The following RBFOX1 variants were observed in gnomAD, a reference collection of about 807,000 sequenced individuals.
RBFOX1 encodes the protein RNA binding fox-1 homolog 1.
Under a neutral mutation model 57.7 loss-of-function variants are expected in RBFOX1, and 8 were observed. The ratio of observed to expected loss-of-function variants is 0.14; its 90% CI spans 0.08 to 0.25. The LOEUF is 0.25. Among genes scored for constraint, RBFOX1 ranks in the 10% least tolerant of loss-of-function variants. RBFOX1 has a pLI of 1.00. For synonymous variants in RBFOX1, 326 were observed against 222.4 expected, an observed-to-expected ratio of 1.47 and a Z score of -4.15; for missense variants, 611 against 548.5, an observed-to-expected ratio of 1.11 and a Z score of -1.14.
At chr16:7,053,592 C>G (rs954593647) in intron 4 of RBFOX1, among the ~76,000 whole-genome samples, 1 of 152,174 alleles carries the variant, frequency 6.6e-6, no homozygotes, top group Non-Finnish European at 1.5e-5. Context: ...TTGCAAATGA[C>G]ACTTGCTTGG....
intron 2 of RBFOX1, among the ~76,000 whole-genome samples, chr16:6,619,816 C>G (rs193115001): frequency 2.0e-5 from 3 of 151,346 alleles, no homozygotes; most frequent in African/African-American, 2.4e-5. Flanking sequence ...AGATGGTAAT[C>G]CTAGTACCCA....
In RBFOX1 at chr16:5,803,714, G is replaced by A. The variant is rs552491289; in HGVS notation, c.319-63589G>A. 1.7e-3 allele frequency among the ~76,000 whole-genome samples: 258 copies of A among 152,278 alleles called. 2 individuals are homozygous for A. Among genetic ancestry groups the A allele is most frequent in the Non-Finnish European group, 3.1e-3 (209 of 68,024 alleles). On this transcript the variant is annotated intron_variant, in intron 3 of 19. Transcript: ENST00000641259. The stretch of plus-strand genomic sequence containing the variant: ...TAAGGTACCATACTAGGCACAGAGT[G>A]GGTATATCAGAGTGAATAGGATGCA...
intron 3 of RBFOX1, among the ~76,000 whole-genome samples, chr16:5,696,258 T>A (rs1396102817): frequency 2.0e-5 from 3 of 152,206 alleles, no homozygotes; most frequent in Non-Finnish European, 4.4e-5. Context: ...GAACTATTAT[T>A]CCCATAGGTA....
chr16:6,517,539 G>A (rs2096404593), intron 2 of RBFOX1, among the ~76,000 whole-genome samples: 1 of 152,080 alleles, frequency 6.6e-6, no homozygotes, highest in African/African-American at 2.4e-5. Context: ...TGCCGAAGTG[G>A]GAGAGGATGT....
intron 3 of RBFOX1, among the ~76,000 whole-genome samples, chr16:6,992,898 C>T (rs17141977): frequency 0.066 from 9,980 of 151,146 alleles, 403 homozygotes; most frequent in South Asian, 0.17. Flanking sequence ...CGCCCAAGCA[C>T]GGTGTCATTC....
At chr16:5,467,187 T>TCA (rs1000515955) in intron 1 of RBFOX1, 45 of 1,460,860 alleles carry the variant, frequency 3.1e-5, no homozygotes, top group Non-Finnish European at 3.9e-5. Context: ...TCTCTCTCTC[T>TCA]CTCTCTCTCT....
intron 1 of RBFOX1, among the ~76,000 whole-genome samples, chr16:5,346,608 C>G (rs1020692357): frequency 6.6e-6 from 1 of 152,196 alleles, no homozygotes; most frequent in Admixed American, 6.5e-5. Context: ...CCTGTATGCA[C>G]GTCTTGTCTT....
chr16:6,929,216 T>C (rs903017528), intron 3 of RBFOX1, among the ~76,000 whole-genome samples: 2 of 152,154 alleles, frequency 1.3e-5, no homozygotes, highest in Non-Finnish European at 2.9e-5. Flanking sequence ...TGTTCTTAAC[T>C]GCTTGGATCC....
intron 4 of RBFOX1, among the ~76,000 whole-genome samples, chr16:7,060,498 A>C (rs1016874228): frequency 6.6e-6 from 1 of 152,222 alleles, no homozygotes; most frequent in African/African-American, 2.4e-5. Context: ...TCTTGCTTTA[A>C]AGGCTTCCAG....
At chr16:6,286,036 A>C (rs2076873476) in intron 1 of RBFOX1, among the ~76,000 whole-genome samples, 2 of 152,196 alleles carry the variant, frequency 1.3e-5, no homozygotes. Context: ...GGCTGCATCA[A>C]AATATTAATT....
At chr16:6,926,379 C>A (rs894678457) in intron 3 of RBFOX1, among the ~76,000 whole-genome samples, 1 of 152,150 alleles carries the variant, frequency 6.6e-6, no homozygotes, top group Admixed American at 6.5e-5. Context: ...AGGAGACCCG[C>A]CTGCAGAAAG....
In RBFOX1 at chr16:7,087,950, A is replaced by T. The variant is rs151243585; in HGVS notation, c.27+35852A>T. On this transcript the variant is annotated intron_variant, in intron 4 of 15. Coordinates refer to ENST00000550418, the MANE Select transcript of RBFOX1 (RefSeq NM_018723.4). The stretch of plus-strand genomic sequence containing the variant: ...TCTGATTAATAAATTGACTTTGGGG[A>T]TAAAGATTGCAGCCCAGAGTAATCG... Among the ~76,000 whole-genome samples, 223 of 152,180 alleles carry T rather than the reference A, an allele frequency of 1.5e-3. 2 individuals carry two copies. Among genetic ancestry groups the T allele is most frequent in the African/African-American group, 4.9e-3 (204 of 41,526 alleles).
At position 5,572,382 on chromosome 16, in the gene RBFOX1, A is replaced by C. The variant is rs73517560; in HGVS notation, c.259-26520A>C. ...GCAGACAAAAATCCCTGAGGCCACT[A>C]ACAGTATATTCTGTGGCAGGATTTC... On this transcript the variant is annotated intron_variant, in intron 2 of 2. Coordinates refer to the RBFOX1 transcript ENST00000585867. 8.4e-3 allele frequency among the ~76,000 whole-genome samples: 1,281 copies of C among 152,330 alleles called. 22 individuals carry two copies. The highest frequency in any genetic ancestry group is 0.029 in the African/African-American group (1,218 of 41,570).
intron 5 of RBFOX1, among the ~76,000 whole-genome samples, chr16:7,528,696 G>A (rs1177552658): frequency 1.3e-5 from 2 of 152,120 alleles, no homozygotes; most frequent in African/African-American, 4.8e-5. Flanking sequence ...AATCTATTTT[G>A]TGGGCAGTAT....
intron 3 of RBFOX1, among the ~76,000 whole-genome samples, chr16:6,872,377 A>T (rs540827331): frequency 6.6e-6 from 1 of 152,128 alleles, no homozygotes; most frequent in South Asian, 2.1e-4. Flanking sequence ...TAGTAATAAT[A>T]GCTTTACTAT....
intron 2 of RBFOX1, among the ~76,000 whole-genome samples, chr16:5,472,816 A>C (rs2069183415): frequency 6.6e-6 from 1 of 152,174 alleles, no homozygotes; most frequent in Admixed American, 6.5e-5. Flanking sequence ...CTGATCCTCC[A>C]TGGAAGCTGC....
intron 3 of RBFOX1, among the ~76,000 whole-genome samples, chr16:6,849,017 C>T (rs1286036171): frequency 6.6e-6 from 1 of 152,190 alleles, no homozygotes; most frequent in Admixed American, 6.5e-5. Context: ...GGTAGTCCCA[C>T]CATTGGCCAG....
At chr16:6,192,624 G>A (rs943285821) in intron 1 of RBFOX1, among the ~76,000 whole-genome samples, 2 of 152,122 alleles carry the variant, frequency 1.3e-5, no homozygotes, top group Non-Finnish European at 2.9e-5. Flanking sequence ...AGATACGGTG[G>A]TGGAGATCCA....
At chr16:6,900,517 C>T (rs764914048) in intron 3 of RBFOX1, among the ~76,000 whole-genome samples, 2 of 152,188 alleles carry the variant, frequency 1.3e-5, no homozygotes, top group African/African-American at 2.4e-5. Flanking sequence ...ATGGTCTGGC[C>T]CTGCCCTTCT....
Sources: gnomAD v4.1 joint callset for allele counts (sites outside exome capture counted in the v4.1 genomes callset) on GRCh38, gnomAD v4.1.1 for gene constraint, MANE v1.5 for transcripts, NCBI Gene and HGNC (gene_info 2026-07-23, HGNC 2026-07-21) for gene names.